ELOVL7: variants seen among roughly 807,000 people sequenced by gnomAD.
The protein encoded by ELOVL7 is very long chain fatty acid elongase 7.
In ELOVL7, 27 loss-of-function variants were observed where a neutral mutation model predicts 35.7. The ratio of observed to expected loss-of-function variants is 0.76; its 90% CI spans 0.56 to 1.04. The LOEUF is 1.04. Ranked by LOEUF, ELOVL7 falls within the 50% of genes least tolerant of loss-of-function variation. The pLI is 0.00. For missense variants in ELOVL7, 327 were observed against 340.8 expected (o/e 0.96, Z 0.32); for synonymous variants, 113 against 114.6 (o/e 0.99, Z 0.09).
intron 1 of ELOVL7, among the ~76,000 whole-genome samples, chr5:60,814,418 A>C (rs1271130118): frequency 2.0e-5 from 3 of 152,178 alleles, no homozygotes; most frequent in African/African-American, 7.2e-5. Flanking sequence ...GACCCAGCAT[A>C]CCACAAGCAG....
intron 1 of ELOVL7, among the ~76,000 whole-genome samples, chr5:60,806,489 A>G (rs774699969): frequency 6.6e-6 from 1 of 152,194 alleles, no homozygotes; most frequent in African/African-American, 2.4e-5. Flanking sequence ...GGGGACACCC[A>G]TGTTTAGGAA....
At chr5:60,795,298 G>C (rs1352030610) in intron 2 of ELOVL7, among the ~76,000 whole-genome samples, 3 of 152,168 alleles carry the variant, frequency 2.0e-5, no homozygotes, top group Admixed American at 2.0e-4. Flanking sequence ...GCTGGGGAAG[G>C]TGACTGCACC....
intron 1 of ELOVL7, among the ~76,000 whole-genome samples, chr5:60,841,243 C>A (rs1747152772): frequency 6.6e-6 from 1 of 152,064 alleles, no homozygotes; most frequent in African/African-American, 2.4e-5. Context: ...CCAGGCTGGT[C>A]TCAAACTCCT....
At chr5:60,827,646 T>C (rs1746246610) in intron 1 of ELOVL7, among the ~76,000 whole-genome samples, 1 of 152,216 alleles carries the variant, frequency 6.6e-6, no homozygotes, top group Non-Finnish European at 1.5e-5. Flanking sequence ...TAATAATTTC[T>C]AGACCTTTAA....
rs559827442 is a variant in ELOVL7, at chr5:60,837,866, C to T, written c.-86+6294G>A. Among the ~76,000 whole-genome samples the T allele has an allele frequency of 4.0e-3, 607 of 152,144 alleles. 5 individuals are homozygous for T. The highest frequency in any genetic ancestry group is 0.014 in the African/African-American group (562 of 41,526). ...CTGAGGCAGGAGAATTGCTTGAACA[C>T]GGGAGGTTGCAGTAAGCCAAGAGCA... On this transcript the variant is annotated intron_variant, in intron 1 of 8. Transcript: ENST00000508821.
chr5:60,787,474 G>A, intron 2 of ELOVL7, 43 bp from the exon 3 acceptor site: 1 of 1,129,362 alleles, frequency 8.9e-7, no homozygotes, highest in Non-Finnish European at 1.3e-6. Flanking sequence ...ATCTATAAAT[G>A]CAAATAAAGT....
intron 1 of ELOVL7, among the ~76,000 whole-genome samples, chr5:60,811,849 C>G (rs989625676): frequency 6.6e-6 from 1 of 152,116 alleles, no homozygotes; most frequent in Admixed American, 6.5e-5. Context: ...TTAGTATTCT[C>G]TTATAGCAAC....
intron 2 of ELOVL7, among the ~76,000 whole-genome samples, chr5:60,795,414 T>C (rs1744192206): frequency 1.3e-5 from 2 of 151,898 alleles, no homozygotes; most frequent in African/African-American, 4.8e-5. Context: ...GATAAAGAAA[T>C]AGTCAAATCA....
In ELOVL7 at chr5:60,799,233, A is replaced by G. The variant is rs1430944090; in HGVS notation, c.-85-3T>C. ...TTCTAAGAGGGAAGTTTAAATGCCT[A>G]TAATAGAAAAGAAAAAAAACTTCAA... On this transcript the variant is annotated splice_region_variant and splice_polypyrimidine_tract_variant and intron_variant, in intron 1 of 8. Coordinates refer to ENST00000508821, the MANE Select transcript of ELOVL7 (RefSeq NM_024930.3). 1 of 152,168 alleles carries G rather than the reference A, an allele frequency of 6.6e-6. No homozygotes were observed. The highest frequency in any genetic ancestry group is 1.5e-5 in the Non-Finnish European group (1 of 68,018). The allele number at this position is 152,168 out of a possible 1,614,324, so 9.4% of individuals were successfully genotyped here.
At chr5:60,839,319 G>A (rs941643142) in intron 1 of ELOVL7, among the ~76,000 whole-genome samples, 1 of 152,024 alleles carries the variant, frequency 6.6e-6, no homozygotes, top group South Asian at 2.1e-4. Context: ...TTTATTGGTC[G>A]ACAGAGCAAG....
At chr5:60,785,332 T>C (rs1438392452) in intron 3 of ELOVL7, among the ~76,000 whole-genome samples, 1 of 152,158 alleles carries the variant, frequency 6.6e-6, no homozygotes, top group African/African-American at 2.4e-5. Context: ...AATTAAGGAG[T>C]TGATCCATGG....
chr5:60,809,962 A>T (rs1218885843), intron 1 of ELOVL7, among the ~76,000 whole-genome samples: 2 of 152,218 alleles, frequency 1.3e-5, no homozygotes, highest in African/African-American at 4.8e-5. Context: ...TGAACTCTAC[A>T]ACTCAGGTTC....
At position 60,767,882 on chromosome 5, in the gene ELOVL7, T is replaced by C. The variant is rs1742339461; in HGVS notation, c.277A>G (p.Ile93Val). The C allele has an allele frequency of 6.2e-7, 1 of 1,613,874 alleles. No homozygotes were observed. The change falls in exon 5 of 9, where the codon ATA becomes GTA. Residue 93 changes from isoleucine to valine, a missense_variant. Ile to Val is a conservative substitution (Grantham distance 29, BLOSUM62 3). Transcript: ENST00000508821. Reference protein sequence around the residue: ...CYEFVMSGWGIGYSFRCDIVD... With the variant: ...CYEFVMSGWGVGYSFRCDIVD... ...ATGTCACATCGAAATGAATAACCTA[T>C]ACCCCAGCCAGACATCACAAACTGC... is the stretch of plus-strand genomic sequence containing the variant.
chr5:60,813,134 A>G (rs77535243), intron 1 of ELOVL7, among the ~76,000 whole-genome samples: 3,944 of 152,264 alleles, frequency 0.026, 154 homozygotes, highest in East Asian at 0.2. Flanking sequence ...TCTATCTTCA[A>G]CCAACAGGTT....
chr5:60,761,143 G>A (rs1741885936), intron 7 of ELOVL7, among the ~76,000 whole-genome samples: 1 of 151,788 alleles, frequency 6.6e-6, no homozygotes, highest in African/African-American at 2.4e-5. Context: ...TTATGATAAT[G>A]GGTCTGTAAA....
At position 60,767,890 on chromosome 5, in the gene ELOVL7, C is replaced by A; in HGVS notation, c.269G>T (p.Gly90Val). 6.2e-7 allele frequency: 1 copy of A among 1,613,552 alleles called. No individual in the cohort carries two copies. Among genetic ancestry groups the A allele is most frequent in the Non-Finnish European group, 8.5e-7 (1 of 1,179,608 alleles). ...TCGAAATGAATAACCTATACCCCAGCCAGACATCACAAACTGCAAGAGAGC... is the reference window on the plus strand; with the variant it reads ...TCGAAATGAATAACCTATACCCCAGACAGACATCACAAACTGCAAGAGAGC... ...VYMCYEFVMS[G>V]WGIGYSFRCD... is the part of the protein sequence containing the mutation. Residue 90 changes from glycine to valine, a missense_variant, in exon 5 of 9, where the codon GGC becomes GTC. Transcript: ENST00000508821.
chr5:60,834,637 T>A (rs1746678806), intron 1 of ELOVL7, among the ~76,000 whole-genome samples: 1 of 151,934 alleles, frequency 6.6e-6, no homozygotes, highest in Non-Finnish European at 1.5e-5. Flanking sequence ...ATCCTGTCTC[T>A]CAAAAAATGA....
chr5:60,759,548 T>C (rs1439670025), intron 7 of ELOVL7, among the ~76,000 whole-genome samples: 1 of 152,098 alleles, frequency 6.6e-6, no homozygotes, highest in Non-Finnish European at 1.5e-5. Context: ...TATGGAACTA[T>C]GTCAGAGCTT....
At position 60,754,542 on chromosome 5, in the gene ELOVL7, C is replaced by G. The variant is rs923463164; in HGVS notation, c.*82G>C. 4.0e-6 allele frequency: 5 copies of G among 1,261,700 alleles called. No homozygotes were observed. In the Admixed American group the frequency reaches 6.5e-5, roughly 16 times the overall value. The allele number at this position is 1,261,700 out of a possible 1,614,324, so 78.2% of individuals were successfully genotyped here. A position where few individuals can be genotyped will look rare whatever the true frequency, so the allele number is the denominator to read the frequency against. ...CAAGCTCTTAGTTTTGAAAAATATACAAAATGCACTGCATAGGTAAATATC... is the reference window on the plus strand; with the variant it reads ...CAAGCTCTTAGTTTTGAAAAATATAGAAAATGCACTGCATAGGTAAATATC... On this transcript the variant is annotated 3_prime_UTR_variant, in exon 9 of 9. Coordinates refer to ENST00000508821, the MANE Select transcript of ELOVL7 (RefSeq NM_024930.3).
Sources: gnomAD v4.1 joint callset for allele counts (sites outside exome capture counted in the v4.1 genomes callset) on GRCh38, gnomAD v4.1.1 for gene constraint, MANE v1.5 for transcripts, NCBI Gene and HGNC (gene_info 2026-07-23, HGNC 2026-07-21) for gene names.